Variants in CHRNA9 observed in about 807,000 individuals in gnomAD.
CHRNA9 encodes cholinergic receptor nicotinic alpha 9 subunit.
CHRNA9 carries 24 observed loss-of-function variants against 36.8 expected under a neutral mutation model. The observed-to-expected ratio is 0.65, with a 90% CI of 0.47 to 0.92. CHRNA9 has a LOEUF of 0.92. Among genes scored for constraint, CHRNA9 ranks in the 40% least tolerant of loss-of-function variants. The probability of loss-of-function intolerance (pLI) is 0.00; values close to 1 mark genes in which losing one functional copy is unlikely to be tolerated. For synonymous variants in CHRNA9, 231 were observed against 231.8 expected (o/e 1.00, Z 0.03); for missense variants, 610 against 601.2 (o/e 1.01, Z -0.15).
chr4:40,342,940 C>T (rs1272017689), intron 3 of CHRNA9, among the ~76,000 whole-genome samples: 2 of 151,958 alleles, frequency 1.3e-5, no homozygotes, highest in African/African-American at 4.8e-5. Flanking sequence ...GAGGGGGGAA[C>T]TTCTTTTTGA....
chr4:40,351,327 G>A (rs1577550004), intron 4 of CHRNA9, among the ~76,000 whole-genome samples: 3 of 52,934 alleles, frequency 5.7e-5, no homozygotes, highest in Admixed American at 1.6e-4. Context: ...GTGAGACTTC[G>A]TCTCAAAAAA....
intron 3 of CHRNA9, among the ~76,000 whole-genome samples, chr4:40,344,937 CAGAGT>C (rs1712596041): frequency 6.6e-6 from 1 of 152,156 alleles, no homozygotes; most frequent in Non-Finnish European, 1.5e-5. Context: ...CGCCTCTGAG[CAGAGT>C]CTTGAAGGAT....
intron 3 of CHRNA9, chr4:40,338,325 G>A (rs933573821): frequency 6.6e-6 from 1 of 152,242 alleles, no homozygotes; most frequent in African/African-American, 2.4e-5. Flanking sequence ...GTGATTCCAT[G>A]GGTGTGGGGC....
rs142750616 is a variant in CHRNA9 at position 40,335,756 on chromosome 4, A to C, written c.65-71A>C. The C allele has an allele frequency of 1.2e-4, 172 of 1,462,588 alleles. 4 individuals are homozygous for C. In the African/African-American group the frequency reaches 2.1e-3, roughly 18 times the overall value. The allele number at this position is 1,462,588 out of a possible 1,614,324, so 90.6% of individuals were successfully genotyped here. On this transcript the variant is annotated intron_variant, in intron 1 of 4. Transcript: ENST00000310169. ...TGGGCCATCCCCCATTTTAGACCTC[A>C]GTCTTGTGTTGTTTGTCTTGAAATA...
At chr4:40,346,081 G>A (rs1712630439) in intron 3 of CHRNA9, among the ~76,000 whole-genome samples, 1 of 152,316 alleles carries the variant, frequency 6.6e-6, no homozygotes, top group Non-Finnish European at 1.5e-5. Context: ...CAAAGCAGCT[G>A]GGGTGATGTT....
At chr4:40,341,235 TTAAA>T (rs1165344960) in intron 3 of CHRNA9, among the ~76,000 whole-genome samples, 84 of 152,198 alleles carry the variant, frequency 5.5e-4, no homozygotes, top group African/African-American at 2.0e-3. Flanking sequence ...TACAGAAATT[TTAAA>T]TTTGAATTCA....
rs758384243 is a variant in CHRNA9, at chr4:40,354,065, G to A, written c.985G>A (p.Glu329Lys). Residue 329 changes from glutamate to lysine, a missense_variant, in exon 5 of 5, where the codon GAG (glutamate) becomes AAG (lysine). Physicochemically the swap from Glu to Lys is moderately conservative, Grantham distance 56. Coordinates refer to ENST00000310169, the MANE Select transcript of CHRNA9 (RefSeq NM_017581.4). ...GATGAATATCCACTTCTGTGGGGCC[G>A]AGGCCCGGCCGGTGCCACACTGGGC... Reference protein sequence around the residue: ...MVMNIHFCGAEARPVPHWARV... With the variant: ...MVMNIHFCGAKARPVPHWARV... 3.7e-6 allele frequency: 6 copies of A among 1,614,084 alleles called. No individual in the cohort carries two copies. The highest frequency in any genetic ancestry group is 1.3e-5 in the African/African-American group (1 of 74,944).
chr4:40,354,515 G>A lies in CHRNA9; in HGVS notation c.1435G>A (p.Asp479Asn). 6.2e-7 allele frequency: 1 copy of A among 1,604,758 alleles called. No homozygotes were observed. ...GACTATTTTGATCATAGCAAGAGCG[G>A]ATTAGTCACAGATATTGGCTTTGCT... ...VMTILIIARA[D>N] The change falls in exon 5 of 5, where the codon GAT (aspartate) becomes AAT (asparagine). Residue 479 changes from aspartate to asparagine, a missense_variant. Coordinates refer to ENST00000310169, the MANE Select transcript of CHRNA9 (RefSeq NM_017581.4).
At position 40,354,741 on chromosome 4, in the gene CHRNA9, C is replaced by A. The variant is rs1712911616; in HGVS notation, c.*221C>A. 4.0e-6 allele frequency: 2 copies of A among 494,306 alleles called. No individual in the cohort carries two copies. The highest frequency in any genetic ancestry group is 3.8e-5 in the African/African-American group (2 of 52,188). The allele number at this position is 494,306 out of a possible 1,614,324, so 30.6% of individuals were successfully genotyped here. A position where few individuals can be genotyped will look rare whatever the true frequency, so the allele number is the denominator to read the frequency against. ...GAAGATGGAAGAAATAGGGAAAGAG[C>A]CCTTTTATAGCCCACCGTAGTGGTG... On this transcript the variant is annotated 3_prime_UTR_variant, in exon 5 of 5. Coordinates refer to ENST00000310169, the MANE Select transcript of CHRNA9 (RefSeq NM_017581.4).
intron 3 of CHRNA9, among the ~76,000 whole-genome samples, chr4:40,346,148 G>C (rs76941948): frequency 6.6e-6 from 1 of 152,238 alleles, no homozygotes; most frequent in Admixed American, 6.5e-5. Flanking sequence ...CCAATGTGGA[G>C]CACCAGTGGG....
At chr4:40,337,876 C>A (rs981552320) in intron 3 of CHRNA9, among the ~76,000 whole-genome samples, 1 of 152,272 alleles carries the variant, frequency 6.6e-6, no homozygotes, top group Admixed American at 6.5e-5. Flanking sequence ...CCTGTGTGTT[C>A]CCTGTGTCCA....
chr4:40,342,488 CTTAGAA>C (rs552727251), intron 3 of CHRNA9, among the ~76,000 whole-genome samples: 33 of 152,132 alleles, frequency 2.2e-4, no homozygotes, highest in African/African-American at 7.0e-4. Flanking sequence ...ACAGAGGAAA[CTTAGAA>C]TTAGTAGTTA....
Position 40,354,170 on chromosome 4 carries a change from A to G in CHRNA9, c.1090A>G (p.Ser364Gly). The G allele has an allele frequency of 2.5e-6, 4 of 1,614,192 alleles. No individual in the cohort carries two copies. The highest frequency in any genetic ancestry group is 2.5e-6 in the Non-Finnish European group (3 of 1,180,018). The change falls in exon 5 of 5, where the codon AGT becomes GGT. Residue 364 changes from serine to glycine, a missense_variant. Physicochemically the swap from Ser to Gly is moderately conservative, Grantham distance 56. Coordinates refer to ENST00000310169, the MANE Select transcript of CHRNA9 (RefSeq NM_017581.4). ...TGAAAGCTGCCTCAGCCCGCACCACAGTAGAGAGCGGGACCACCTCACGAA... is the reference window on the plus strand; with the variant it reads ...TGAAAGCTGCCTCAGCCCGCACCACGGTAGAGAGCGGGACCACCTCACGAA... ...VGESCLSPHH[S>G]RERDHLTKVY...
chr4:40,349,627 C>T (rs1712739955), intron 4 of CHRNA9: 5 of 537,476 alleles, frequency 9.3e-6, no homozygotes, highest in South Asian at 5.9e-5. Context: ...TGGGTTTACA[C>T]GAAAGAGCAA....
chr4:40,351,371 T>A (rs963973639), intron 4 of CHRNA9, among the ~76,000 whole-genome samples: 1 of 151,408 alleles, frequency 6.6e-6, no homozygotes, highest in African/African-American at 2.4e-5. Context: ...AGATAGGGTC[T>A]CACTATGTTG....
At chr4:40,335,797 A>G (rs754372957) in intron 1 of CHRNA9, 30 bp from the exon 2 acceptor site, 2 of 1,602,214 alleles carry the variant, frequency 1.2e-6, no homozygotes, top group Non-Finnish European at 1.7e-6. Flanking sequence ...AACACTCTGA[A>G]TGTTAATCCA....
At chr4:40,335,637 G>T in intron 1 of CHRNA9, 106 bp downstream of exon 1, 1 of 1,046,340 alleles carries the variant, frequency 9.6e-7, no homozygotes, top group Non-Finnish European at 1.5e-6. Context: ...CAACCGCATG[G>T]AAGTGTTCTG....
chr4:40,337,319 T>G lies in CHRNA9; in HGVS notation c.320T>G (p.Ile107Ser), dbSNP rs760757245. Reference protein sequence around the residue: ...DQYDGLDSIRIPSDLVWRPDI... With the variant: ...DQYDGLDSIRSPSDLVWRPDI... ...TACGATGGCCTAGACTCCATCAGGA[T>G]CCCCAGTGACCTCGTGTGGAGGCCA... The change falls in exon 3 of 5, where the codon ATC becomes AGC. Residue 107 changes from isoleucine (I) to serine (S), a missense_variant. Transcript: ENST00000310169. 6.2e-7 allele frequency: 1 copy of G among 1,614,184 alleles called. No individual in the cohort carries two copies. The highest frequency in any genetic ancestry group is 8.5e-7 in the Non-Finnish European group (1 of 1,180,016).
At position 40,345,279 on chromosome 4, in the gene CHRNA9, C is replaced by T. The variant is rs367595900; in HGVS notation, c.366-3603C>T. Among the ~76,000 whole-genome samples, 58 of 152,052 alleles carry T rather than the reference C, an allele frequency of 3.8e-4. 1 individual carries two copies. In the South Asian group the frequency reaches 9.2e-3, roughly 24 times the overall value. Reference sequence around the variant, plus strand: ...TAAATAATAATGTCTTGGCTGGGCGCGGTGGCTTGTACTGGTAATCCCAGC... The same window carrying T: ...TAAATAATAATGTCTTGGCTGGGCGTGGTGGCTTGTACTGGTAATCCCAGC... On this transcript the variant is annotated intron_variant, in intron 3 of 4. Transcript: ENST00000310169.
Sources: allele counts gnomAD v4.1 joint callset (sites outside exome capture counted in the v4.1 genomes callset), GRCh38; gene constraint gnomAD v4.1.1; transcripts MANE v1.5; gene names NCBI Gene and HGNC (gene_info 2026-07-23, HGNC 2026-07-21).